VPS54: variants seen among roughly 807,000 people sequenced by gnomAD.
VPS54 encodes the protein vacuolar protein sorting-associated protein 54.
In VPS54, 45 loss-of-function variants were observed where a neutral mutation model predicts 121.5. The ratio of observed to expected loss-of-function variants is 0.37; its 90% CI spans 0.29 to 0.47. The LOEUF (loss-of-function observed/expected upper bound fraction) is 0.47. Ranked by LOEUF, VPS54 falls within the 20% of genes least tolerant of loss-of-function variation. The probability of loss-of-function intolerance (pLI) is 0.99; values close to 1 mark genes in which losing one functional copy is unlikely to be tolerated. For missense variants in VPS54, 1,090 were observed against 1,131.4 expected, an observed-to-expected ratio of 0.96 and a Z score of 0.52; for synonymous variants, 371 against 385.8, an observed-to-expected ratio of 0.96 and a Z score of 0.45.
At chr2:63,940,821 G>A (rs948303885) in intron 11 of VPS54, among the ~76,000 whole-genome samples, 4 of 152,196 alleles carry the variant, frequency 2.6e-5, no homozygotes, top group African/African-American at 9.7e-5. Flanking sequence ...GTGTGATGAT[G>A]AGGTCATGGT....
At chr2:63,912,131 T>G (rs574152868) in intron 20 of VPS54, among the ~76,000 whole-genome samples, 1 of 152,306 alleles carries the variant, frequency 6.6e-6, no homozygotes, top group African/African-American at 2.4e-5. Context: ...CCTGAATAAT[T>G]TGTTAGATAA....
intron 1 of VPS54, among the ~76,000 whole-genome samples, chr2:64,006,792 T>C (rs536578267): frequency 6.6e-6 from 1 of 152,138 alleles, no homozygotes; most frequent in African/African-American, 2.4e-5. Context: ...CTAATTTCTG[T>C]AATTTTAGTA....
intron 3 of VPS54, among the ~76,000 whole-genome samples, chr2:63,976,826 T>TC (rs70965156): frequency 4.7e-4 from 5 of 10,630 alleles, no homozygotes; most frequent in East Asian, 2.4e-3. Flanking sequence ...ATATCTTCTC[T>TC]TTTTTTTTTT....
intron 1 of VPS54, among the ~76,000 whole-genome samples, chr2:63,987,306 T>C (rs989109892): frequency 6.6e-6 from 1 of 152,230 alleles, no homozygotes; most frequent in African/African-American, 2.4e-5. Context: ...GCACAATTTA[T>C]TGAAGAGACT....
intron 1 of VPS54, among the ~76,000 whole-genome samples, chr2:63,990,170 G>A (rs1349028385): frequency 6.6e-6 from 1 of 152,032 alleles, no homozygotes; most frequent in African/African-American, 2.4e-5. Flanking sequence ...CTCCCGCATG[G>A]ACTTCGTTAT....
chr2:63,967,073 A>G (rs777878685), intron 5 of VPS54, among the ~76,000 whole-genome samples: 38 of 152,268 alleles, frequency 2.5e-4, no homozygotes, highest in Non-Finnish European at 4.1e-4. Flanking sequence ...TCTGGAGACC[A>G]TATGTTCTTG....
intron 1 of VPS54, among the ~76,000 whole-genome samples, chr2:64,000,331 C>A (rs1576010446): frequency 6.6e-6 from 1 of 152,342 alleles, no homozygotes; most frequent in South Asian, 2.1e-4. Flanking sequence ...TTTCTCAACA[C>A]AGCTGTTTTG....
chr2:63,981,546 G>T, intron 3 of VPS54, 100 bp downstream of exon 3: 1 of 1,314,846 alleles, frequency 7.6e-7, no homozygotes, highest in Non-Finnish European at 1.0e-6. Flanking sequence ...GAATACTATA[G>T]GTTCATCAAA....
At position 63,892,435 on chromosome 2, in the gene VPS54, C is replaced by T. The variant is rs567752003; in HGVS notation, c.*995G>A. The T allele has an allele frequency of 6.6e-6, 1 of 152,474 alleles. No individual in the cohort carries two copies. Among genetic ancestry groups the T allele is most frequent in the South Asian group, 2.1e-4 (1 of 4,806 alleles). The allele number at this position is 152,474 out of a possible 1,614,324, so 9.4% of individuals were successfully genotyped here. ...TTACTTGTCACCTTATTTCTGGCCC[C>T]AACACAGCAGCCTATAGTTTTAAAA... On this transcript the variant is annotated 3_prime_UTR_variant, in exon 23 of 23. Coordinates refer to ENST00000272322, the MANE Select transcript of VPS54 (RefSeq NM_016516.3).
At chr2:64,014,956 T>C (rs932177096) in intron 1 of VPS54, among the ~76,000 whole-genome samples, 5 of 152,038 alleles carry the variant, frequency 3.3e-5, no homozygotes, top group African/African-American at 4.8e-5. Context: ...GTGGAGCTCA[T>C]AGGGGAAAAA....
intron 11 of VPS54, among the ~76,000 whole-genome samples, chr2:63,935,532 T>C (rs1046793127): frequency 6.6e-6 from 1 of 152,160 alleles, no homozygotes; most frequent in African/African-American, 2.4e-5. Context: ...TAATTTTCTT[T>C]CTTAACTTTT....
intron 1 of VPS54, among the ~76,000 whole-genome samples, chr2:63,998,326 C>A (rs1677703835): frequency 6.6e-6 from 1 of 152,064 alleles, no homozygotes; most frequent in African/African-American, 2.4e-5. Context: ...TTCTTGTGGG[C>A]AACAGATCAC....
intron 1 of VPS54, among the ~76,000 whole-genome samples, chr2:64,012,866 G>C (rs1678493907): frequency 6.6e-6 from 1 of 152,084 alleles, no homozygotes; most frequent in Non-Finnish European, 1.5e-5. Context: ...TCCAGAAAAG[G>C]TTAGGAATGA....
At chr2:63,958,310 C>T (rs978744014) in intron 7 of VPS54, among the ~76,000 whole-genome samples, 6 of 151,846 alleles carry the variant, frequency 4.0e-5, no homozygotes, top group Admixed American at 2.6e-4. Context: ...TCAAAAAATA[C>T]AGAAGGAATG....
At chr2:64,015,527 C>G (rs931438078) in intron 1 of VPS54, among the ~76,000 whole-genome samples, 1 of 152,062 alleles carries the variant, frequency 6.6e-6, no homozygotes, top group East Asian at 1.9e-4. Context: ...CATTTTGAAC[C>G]GGATAATTTC....
Position 63,938,059 on chromosome 2 carries a change from G to GTGGTGT in VPS54, c.1399-4047_1399-4046insACACCA, listed in dbSNP as rs9309357. Reference sequence around the variant, plus strand: ...AAACGTGTGTGTGTGTGGTGTGTGTGGTGTGTGTGTGTGTGTGTGTGTGTG... The same window carrying GTGGTGT: ...AAACGTGTGTGTGTGTGGTGTGTGTGTGGTGTGTGTGTGTGTGTGTGTGTGTGTGTG... On this transcript the variant is annotated intron_variant, in intron 11 of 22. Transcript: ENST00000272322. 2.9e-3 allele frequency among the ~76,000 whole-genome samples: 402 copies of GTGGTGT among 140,468 alleles called. 4 individuals carry two copies. Among genetic ancestry groups the GTGGTGT allele is most frequent in the Admixed American group, 2.8e-3 (40 of 14,190 alleles). The allele number at this position is 140,468 out of a possible 152,430, so 92.2% of individuals were successfully genotyped here.
Position 63,893,341 on chromosome 2 carries a change from G to GT in VPS54, c.*88dup. On this transcript the variant is annotated 3_prime_UTR_variant, in exon 23 of 23. Coordinates refer to ENST00000272322, the MANE Select transcript of VPS54 (RefSeq NM_016516.3). Reference sequence around the variant, plus strand: ...CACCCCAGTTCACTTTGGGTTTCAGGTTCAATTCTCGAATCACAGGCATCC... The same window carrying GT: ...CACCCCAGTTCACTTTGGGTTTCAGGTTTCAATTCTCGAATCACAGGCATCC... 8.5e-7 allele frequency: 1 copy of GT among 1,177,466 alleles called. No homozygotes were observed. The highest frequency in any genetic ancestry group is 1.3e-6 in the Non-Finnish European group (1 of 782,468). 72.9% of individuals were successfully genotyped at this position (1,177,466 alleles called of 1,614,324 possible).
chr2:63,921,166 A>G, intron 13 of VPS54, 40 bp downstream of exon 13: 1 of 1,552,186 alleles, frequency 6.4e-7, no homozygotes. Context: ...CTTCAAAATT[A>G]TTACGTATAA....
At chr2:63,939,409 G>A (rs1251551588) in intron 11 of VPS54, among the ~76,000 whole-genome samples, 2 of 151,850 alleles carry the variant, frequency 1.3e-5, no homozygotes, top group Non-Finnish European at 2.9e-5. Flanking sequence ...TAATACTAAA[G>A]TGACATATAG....
Sources: allele counts gnomAD v4.1 joint callset (sites outside exome capture counted in the v4.1 genomes callset), GRCh38; gene constraint gnomAD v4.1.1; transcripts MANE v1.5; gene names NCBI Gene and HGNC (gene_info 2026-07-23, HGNC 2026-07-21).